Variants in MCTP1 observed in about 807,000 individuals in gnomAD.
The protein encoded by MCTP1 is multiple C2 and transmembrane domain-containing protein 1.
A neutral mutation model predicts 120.6 loss-of-function variants in MCTP1; 69 were observed. That is an observed-to-expected ratio of 0.57 (90% CI 0.47 to 0.70). MCTP1 has a LOEUF of 0.70. Among genes scored for constraint, MCTP1 ranks in the 30% least tolerant of loss-of-function variants. The pLI, the probability that MCTP1 is intolerant of heterozygous loss-of-function variation, is 0.00. For missense variants in MCTP1, 1,203 were observed against 1,248.8 expected, an observed-to-expected ratio of 0.96 and a Z score of 0.55; for synonymous variants, 529 against 493.1, an observed-to-expected ratio of 1.07 and a Z score of -0.96.
At chr5:94,811,820 T>A (rs1783489429) in intron 17 of MCTP1, among the ~76,000 whole-genome samples, 1 of 152,208 alleles carries the variant, frequency 6.6e-6, no homozygotes. Flanking sequence ...GCCAAAATAG[T>A]TCCTGAAATG....
chr5:95,275,293 C>T (rs763556680), intron 1 of MCTP1, among the ~76,000 whole-genome samples: 1 of 152,172 alleles, frequency 6.6e-6, no homozygotes, highest in Non-Finnish European at 1.5e-5. Context: ...AGACTTCACA[C>T]AAAAATCTGG....
chr5:95,228,739 G>A (rs1402466999), intron 1 of MCTP1, among the ~76,000 whole-genome samples: 4 of 152,084 alleles, frequency 2.6e-5, no homozygotes, highest in Non-Finnish European at 4.4e-5. Context: ...TGGTACCGTC[G>A]TCCCGATAGT....
chr5:95,249,758 A>G (rs902702016), intron 1 of MCTP1, among the ~76,000 whole-genome samples: 1 of 152,252 alleles, frequency 6.6e-6, no homozygotes, highest in East Asian at 1.9e-4. Context: ...GAATGATCCC[A>G]TATGTCCATC....
intron 1 of MCTP1, among the ~76,000 whole-genome samples, chr5:95,124,658 CCTTTA>C (rs1758491480): frequency 1.3e-5 from 2 of 152,162 alleles, no homozygotes; most frequent in Non-Finnish European, 2.9e-5. Flanking sequence ...CCTATCCCAG[CCTTTA>C]CAGGAAAGAA....
chr5:95,153,128 G>A (rs1037287248), intron 1 of MCTP1, among the ~76,000 whole-genome samples: 1 of 151,978 alleles, frequency 6.6e-6, no homozygotes, highest in Non-Finnish European at 1.5e-5. Context: ...CGTGTTGATG[G>A]AGGGACTAGT....
chr5:95,012,853 G>A (rs934921799), intron 2 of MCTP1, among the ~76,000 whole-genome samples: 3 of 152,156 alleles, frequency 2.0e-5, no homozygotes, highest in South Asian at 2.1e-4. Context: ...CCCTACAATG[G>A]ACTCTAAGTA....
chr5:95,075,323 C>G (rs1457725238), intron 1 of MCTP1, among the ~76,000 whole-genome samples: 5 of 152,184 alleles, frequency 3.3e-5, no homozygotes, highest in African/African-American at 1.2e-4. Context: ...CTTCTCTGAG[C>G]CTATAAATAT....
In MCTP1 at chr5:94,868,465, T is replaced by C. The variant is rs1797230247; in HGVS notation, c.2317-13A>G. 1 of 1,571,454 alleles carries C rather than the reference T, an allele frequency of 6.4e-7. No individual in the cohort carries two copies. Among genetic ancestry groups the C allele is most frequent in the Admixed American group, 1.8e-5 (1 of 54,250 alleles). On this transcript the variant is annotated splice_polypyrimidine_tract_variant and intron_variant, in intron 16 of 22. Coordinates refer to ENST00000515393, the MANE Select transcript of MCTP1 (RefSeq NM_024717.7). ...TTCTTAGTAGCAGCTGTAAGGAAAA[T>C]GAAAATATTATTATAATTTGCAAGA... is the stretch of plus-strand genomic sequence containing the variant.
intron 1 of MCTP1, among the ~76,000 whole-genome samples, chr5:95,110,463 T>C (rs1757374206): frequency 1.3e-5 from 2 of 152,154 alleles, no homozygotes; most frequent in South Asian, 4.1e-4. Flanking sequence ...GCAGCACAGT[T>C]CCAATATGGA....
chr5:94,874,952 T>C (rs1798525718), intron 12 of MCTP1, among the ~76,000 whole-genome samples: 1 of 152,154 alleles, frequency 6.6e-6, no homozygotes, highest in Non-Finnish European at 1.5e-5. Context: ...TGCTGGGTAA[T>C]GTTTTGACTG....
At chr5:95,044,711 T>A (rs2151936078) in intron 1 of MCTP1, among the ~76,000 whole-genome samples, 1 of 151,980 alleles carries the variant, frequency 6.6e-6, no homozygotes, top group Non-Finnish European at 1.5e-5. Flanking sequence ...ATCTTCCTCT[T>A]CCTTTCCCCC....
intron 1 of MCTP1, among the ~76,000 whole-genome samples, chr5:95,170,396 A>T (rs1015528338): frequency 6.6e-6 from 1 of 152,160 alleles, no homozygotes; most frequent in African/African-American, 2.4e-5. Flanking sequence ...TGTTGATTTC[A>T]GGTGGAGAGT....
intron 17 of MCTP1, among the ~76,000 whole-genome samples, chr5:94,840,877 C>T (rs1790865923): frequency 6.6e-6 from 1 of 152,116 alleles, no homozygotes; most frequent in African/African-American, 2.4e-5. Context: ...ACTAAGCAAG[C>T]TGTTTTTGCT....
chr5:94,867,490 C>A, intron 17 of MCTP1: 3 of 706,332 alleles, frequency 4.2e-6, no homozygotes, highest in Non-Finnish European at 7.4e-6. Flanking sequence ...TTCTTGTAAG[C>A]CCCCATAATA....
chr5:94,772,217 A>G (rs1774247998), intron 19 of MCTP1, among the ~76,000 whole-genome samples: 1 of 152,104 alleles, frequency 6.6e-6, no homozygotes, highest in Admixed American at 6.5e-5. Context: ...GCCCTTGTAG[A>G]CCGCCCTGTG....
At chr5:95,101,344 T>A (rs1388636367) in intron 1 of MCTP1, among the ~76,000 whole-genome samples, 1 of 152,252 alleles carries the variant, frequency 6.6e-6, no homozygotes, top group African/African-American at 2.4e-5. Context: ...TAATATTTCC[T>A]GTTGAGATAC....
intron 8 of MCTP1, among the ~76,000 whole-genome samples, chr5:94,915,614 T>C (rs996406145): frequency 3.3e-5 from 5 of 152,152 alleles, no homozygotes; most frequent in African/African-American, 1.2e-4. Flanking sequence ...AACAGTGCCA[T>C]GTCTAAAATA....
intron 1 of MCTP1, among the ~76,000 whole-genome samples, chr5:95,168,200 A>G (rs1345907627): frequency 5.9e-5 from 9 of 152,100 alleles, no homozygotes; most frequent in African/African-American, 1.4e-4. Context: ...AAGATCAGAT[A>G]GTTGTAGACG....
At chr5:95,098,032 T>C (rs1756405131) in intron 1 of MCTP1, among the ~76,000 whole-genome samples, 1 of 152,250 alleles carries the variant, frequency 6.6e-6, no homozygotes, top group South Asian at 2.1e-4. Flanking sequence ...TTTTTCTCTA[T>C]TCAACTCAAT....
Sources: allele counts gnomAD v4.1 joint callset (sites outside exome capture counted in the v4.1 genomes callset), GRCh38; gene constraint gnomAD v4.1.1; transcripts MANE v1.5; gene names NCBI Gene and HGNC (gene_info 2026-07-23, HGNC 2026-07-21).